PKD1: variants seen among roughly 807,000 people sequenced by gnomAD.
PKD1 encodes polycystin 1, transient receptor potential channel interacting.
In PKD1, 81 loss-of-function variants were observed where a neutral mutation model predicts 361.7. The observed-to-expected ratio is 0.22, with a 90% CI of 0.19 to 0.27. The LOEUF (loss-of-function observed/expected upper bound fraction) is 0.27. Among genes scored for constraint, PKD1 ranks in the 10% least tolerant of loss-of-function variants. The pLI, the probability that PKD1 is intolerant of heterozygous loss-of-function variation, is 1.00. For synonymous variants in PKD1, 3,615 were observed against 2,818.3 expected, an observed-to-expected ratio of 1.28 and a Z score of -8.95; for missense variants, 6,399 against 6,118.3, an observed-to-expected ratio of 1.05 and a Z score of -1.53.
rs2092597389 is a variant in PKD1, at chr16:2,114,554, C to T, written c.2469G>A (p.Gly823=). ...CSFDVVSPVA[G]LRVIYPAPRD... ...GGGGGGCAGGGTAGATGACCCGCAGCCCAGCCACTGGGGAGACCACGTCAA... is the reference window on the plus strand; with the variant it reads ...GGGGGGCAGGGTAGATGACCCGCAGTCCAGCCACTGGGGAGACCACGTCAA... The change falls in exon 11 of 46, where the codon GGG becomes GGA. Residue 823 remains glycine, a synonymous_variant. Coordinates refer to ENST00000262304, the MANE Select transcript of PKD1 (RefSeq NM_001009944.3). 6.3e-7 allele frequency: 1 copy of T among 1,594,442 alleles called. No homozygotes were observed.
rs1238054900 is a variant in PKD1 at position 2,116,602 on chromosome 16, C to A, written c.1649G>T (p.Ser550Ile). 28 of 1,565,410 alleles carry A rather than the reference C, an allele frequency of 1.8e-5. No homozygotes were observed. Among genetic ancestry groups the A allele is most frequent in the Non-Finnish European group, 2.4e-5 (28 of 1,160,112 alleles). The change falls in exon 8 of 46, where the codon AGT (serine) becomes ATT (isoleucine). Residue 550 changes from serine to isoleucine, a missense_variant. By Grantham distance (142) the Ser-to-Ile change is moderately radical. Transcript: ENST00000262304. ...DAENLLVGAP[S>I]GDLQGPLTPL... The stretch of plus-strand genomic sequence containing the variant: ...CGTCAGGGGTCCCTGCAGGTCCCCA[C>A]TGGGCGCTCCCACGAGGAGGTTCTC...
At position 2,100,769 on chromosome 16, in the gene PKD1, G is replaced by A. The variant is rs2092064023; in HGVS notation, c.9398-203C>T. On this transcript the variant is annotated intron_variant, in intron 26 of 45. Coordinates refer to ENST00000262304, the MANE Select transcript of PKD1 (RefSeq NM_001009944.3). The surrounding 1 kb of genome is among the most constrained non-coding windows in gnomAD (Gnocchi z 4.4). ...AGCAGGACCTCAAGGACATGATTAAGTTACATGGAAAGAACTGTAACTTGT... is the reference window on the plus strand; with the variant it reads ...AGCAGGACCTCAAGGACATGATTAAATTACATGGAAAGAACTGTAACTTGT... 1 of 598,866 alleles carries A rather than the reference G, an allele frequency of 1.7e-6. No individual in the cohort carries two copies. The highest frequency in any genetic ancestry group is 1.9e-5 in the African/African-American group (1 of 53,924). 37.1% of individuals were successfully genotyped at this position (598,866 alleles called of 1,614,324 possible). A position where few individuals can be genotyped will look rare whatever the true frequency, so the allele number is the denominator to read the frequency against.
rs752503970 is a variant in PKD1, at chr16:2,097,166, G to A, written c.10481C>T (p.Thr3494Met). 9 of 1,552,352 alleles carry A rather than the reference G, an allele frequency of 5.8e-6. No homozygotes were observed. The highest frequency in any genetic ancestry group is 1.4e-5 in the African/African-American group (1 of 73,072). Reference protein sequence around the residue: ...PAPTQDTHMETDLLSSLSSTP... With the variant: ...PAPTQDTHMEMDLLSSLSSTP... ...CACTCACAGGCTGCTGAGCAGGTCC[G>A]TTTCCATGTGGGTGTCTTGGGTAGG... Residue 3494 changes from threonine (T) to methionine (M), a missense_variant, in exon 34 of 46, where the codon ACG becomes ATG. Coordinates refer to ENST00000262304, the MANE Select transcript of PKD1 (RefSeq NM_001009944.3).
intron 42 of PKD1, 103 bp from the exon 43 acceptor site, chr16:2,091,277 G>C (rs1161521208): frequency 3.7e-5 from 15 of 403,828 alleles, no homozygotes; most frequent in Middle Eastern, 8.6e-4. Flanking sequence ...GGGGCGGGAC[G>C]CTGCCGGGGC....
At chr16:2,135,261 A>T (rs1407437574) in intron 1 of PKD1, 6 of 984,998 alleles carry the variant, frequency 6.1e-6, no homozygotes, top group Admixed American at 6.1e-5. Flanking sequence ...CCCGGGTGGG[A>T]CGTCTGTCTC....
At position 2,104,582 on chromosome 16, in the gene PKD1, C is replaced by G; in HGVS notation, c.8077G>C (p.Ala2693Pro). ...CLKQTLHKLE[A>P]MMLILQAETT... ...TCTGCCTGCAGGATGAGCATCATGG[C>G]CTCCAGCTTGTGCAGCGTCTGCTTC... The change falls in exon 22 of 46, where the codon GCC becomes CCC. Residue 2693 changes from alanine to proline, a missense_variant. Physicochemically the swap from Ala to Pro is conservative, Grantham distance 27 (BLOSUM62 -1). Transcript: ENST00000262304. 1 of 1,600,808 alleles carries G rather than the reference C, an allele frequency of 6.2e-7. No individual in the cohort carries two copies. Among genetic ancestry groups the G allele is most frequent in the East Asian group, 2.2e-5 (1 of 44,470 alleles).
intron 20 of PKD1, 27 bp downstream of exon 20, chr16:2,105,838 T>G (rs771550353): frequency 1.9e-6 from 3 of 1,591,352 alleles, no homozygotes; most frequent in Non-Finnish European, 2.6e-6. Flanking sequence ...GCAGCAGATG[T>G]GACGTCCCCT....
rs759950842 is a variant in PKD1, at chr16:2,115,508, A to T, written c.1967T>A (p.Leu656Gln). ...WCPGANICLP[L>Q]DASCHPQACA... ...GGCCTGGGGGTGGCAGGAGGCGTCC[A>T]GCGGCAAGCAGATGTTGGCTCCAGG... The change falls in exon 10 of 46, where the codon CTG becomes CAG. Residue 656 changes from leucine to glutamine, a missense_variant. Physicochemically the swap from Leu to Gln is moderately radical, Grantham distance 113. Transcript: ENST00000262304. The T allele has an allele frequency of 3.1e-4, 494 of 1,599,394 alleles. No individual in the cohort carries two copies. Among genetic ancestry groups the T allele is most frequent in the Non-Finnish European group, 4.1e-4 (480 of 1,174,030 alleles).
chr16:2,105,859 A>T lies in PKD1; in HGVS notation c.7863+6T>A. ...GATGTGACGTCCCCTCCCAGGCTGC[A>T]CTCACCTCGTTCAGCACGGTGACCA... On this transcript the variant is annotated splice_donor_region_variant and intron_variant, in intron 20 of 45. Coordinates refer to ENST00000262304, the MANE Select transcript of PKD1 (RefSeq NM_001009944.3). 1 of 1,595,608 alleles carries T rather than the reference A, an allele frequency of 6.3e-7. No individual in the cohort carries two copies. The highest frequency in any genetic ancestry group is 8.5e-7 in the Non-Finnish European group (1 of 1,179,250).
intron 1 of PKD1, among the ~76,000 whole-genome samples, chr16:2,126,291 C>T: frequency 6.6e-6 from 1 of 152,274 alleles, no homozygotes; most frequent in Non-Finnish European, 1.5e-5. Flanking sequence ...GAAGAGCTGG[C>T]TTCCGCCTCT....
rs2151795649 is a variant in PKD1, at chr16:2,110,217, T to C, written c.4950A>G (p.Val1650=). The C allele has an allele frequency of 1.2e-6, 2 of 1,612,006 alleles. No individual in the cohort carries two copies. The highest frequency in any genetic ancestry group is 1.1e-5 in the South Asian group (1 of 91,036). The change falls in exon 15 of 46, where the codon GTA becomes GTG. Residue 1650 remains valine (V), a synonymous_variant. Transcript: ENST00000262304. The stretch of plus-strand genomic sequence containing the variant: ...CATCCCTAACCACGGCCTGCAGCTG[T>C]ACCGTGTGGTTGGTGGGGAAGTAGC... ...GGRYFPTNHT[V]QLQAVVRDGT...
At position 2,100,042 on chromosome 16, in the gene PKD1, G is replaced by A. The variant is rs1278316500; in HGVS notation, c.9742C>T (p.Leu3248=). 1 of 1,586,526 alleles carries A rather than the reference G, an allele frequency of 6.3e-7. No homozygotes were observed. The highest frequency in any genetic ancestry group is 2.3e-5 in the East Asian group (1 of 43,332). ...CCACGCTGCAGCTCAGCCACCAGCA[G>A]GCGCCGGAAGCGCAAAAGGGCTGCG... ...SDAALLRFRR[L]LVAELQRGFF... The change falls in exon 29 of 46, where the codon CTG becomes TTG. Residue 3248 remains leucine, a synonymous_variant. Coordinates refer to ENST00000262304, the MANE Select transcript of PKD1 (RefSeq NM_001009944.3). This position sits in a 1 kb window ranked among gnomAD's most constrained non-coding sequence, Gnocchi z 4.4.
At chr16:2,112,093 G>A (rs931150851) in intron 14 of PKD1, among the ~76,000 whole-genome samples, 12 of 152,350 alleles carry the variant, frequency 7.9e-5, no homozygotes, top group Admixed American at 4.6e-4. Context: ...AGCTGCACTC[G>A]GGGCAGCAGA....
chr16:2,120,853 C>G (rs1161514978), intron 1 of PKD1, among the ~76,000 whole-genome samples: 8 of 152,138 alleles, frequency 5.3e-5, no homozygotes, highest in Middle Eastern at 3.4e-3. Context: ...CCTGTCTCTA[C>G]TAAAAATGCA....
intron 40 of PKD1, 64 bp downstream of exon 40, chr16:2,091,983 G>T: frequency 1.2e-6 from 2 of 1,612,124 alleles, no homozygotes; most frequent in Non-Finnish European, 1.7e-6. Context: ...AGGAGGCCGC[G>T]GCACTCCTGG....
At chr16:2,107,074 T>G in intron 16 of PKD1, 126 bp from the exon 17 acceptor site, 1 of 852,612 alleles carries the variant, frequency 1.2e-6, no homozygotes, top group Non-Finnish European at 1.9e-6. Context: ...GCCGGTGAGC[T>G]CACTCCCTCC....
chr16:2,090,173 C>T lies in PKD1; in HGVS notation c.12466G>A (p.Glu4156Lys), dbSNP rs962383154. 6.9e-6 allele frequency: 11 copies of T among 1,601,418 alleles called. No homozygotes were observed. Among genetic ancestry groups the T allele is most frequent in the Non-Finnish European group, 7.7e-6 (9 of 1,174,076 alleles). Residue 4156 changes from glutamate (E) to lysine (K), a missense_variant, in exon 46 of 46, where the codon GAA becomes AAA. Coordinates refer to ENST00000262304, the MANE Select transcript of PKD1 (RefSeq NM_001009944.3). ...VKEFRHKVRFEGMEPLPSRSS... is the reference protein window; with the variant it reads ...VKEFRHKVRFKGMEPLPSRSS... Reference sequence around the variant, plus strand: ...CGAGAGGGCAGCGGCTCCATCCCTTCAAAGCGGACTTTGTGGCGGAACTGG... The same window carrying T: ...CGAGAGGGCAGCGGCTCCATCCCTTTAAAGCGGACTTTGTGGCGGAACTGG...
In PKD1 at chr16:2,117,639, A is replaced by G; in HGVS notation, c.1235T>C (p.Ile412Thr). Residue 412 changes from isoleucine (I) to threonine (T), a missense_variant, in exon 6 of 46, where the codon ATC becomes ACC. By Grantham distance (89) the Ile-to-Thr change is moderately conservative (BLOSUM62 -1). Transcript: ENST00000262304. ...VHPLCPSDTE[I>T]FPGNGHCYRL... The stretch of plus-strand genomic sequence containing the variant: ...GTAGCAGTGCCCGTTGCCAGGGAAG[A>G]TCTCCGTGTCCGAGGGGCAGAGCGG... The G allele has an allele frequency of 6.2e-7, 1 of 1,610,606 alleles. No homozygotes were observed.
rs2151760882 is a variant in PKD1 at position 2,104,438 on chromosome 16, G to A, written c.8161+60C>T. On this transcript the variant is annotated intron_variant, in intron 22 of 45. Coordinates refer to ENST00000262304, the MANE Select transcript of PKD1 (RefSeq NM_001009944.3). ...AAGGCGACGCGGTTGGGGGGAGGAG[G>A]GAGGCAGAGGAAAGGGCCGCACGGG... is the stretch of plus-strand genomic sequence containing the variant. 3.0e-6 allele frequency: 4 copies of A among 1,326,754 alleles called. No individual in the cohort carries two copies. The East Asian group carries it at 7.6e-5, about 25-fold the overall frequency. 82.2% of individuals were successfully genotyped at this position (1,326,754 alleles called of 1,614,324 possible).
Sources: gnomAD v4.1 joint callset for allele counts (sites outside exome capture counted in the v4.1 genomes callset) on GRCh38, gnomAD v4.1.1 for gene constraint, Gnocchi (gnomAD v3.1) non-coding constraint, MANE v1.5 for transcripts, NCBI Gene and HGNC (gene_info 2026-07-23, HGNC 2026-07-21) for gene names.